ZNF423: variants seen among roughly 807,000 people sequenced by gnomAD.
The protein encoded by ZNF423 is zinc finger protein 423.
In ZNF423, 12 loss-of-function variants were observed where a neutral mutation model predicts 95.8. The observed-to-expected ratio is 0.13, with a 90% CI of 0.08 to 0.20. The LOEUF is 0.20. Ranked by LOEUF, ZNF423 falls within the 10% of genes least tolerant of loss-of-function variation. ZNF423 has a pLI of 1.00. For synonymous variants in ZNF423, 749 were observed against 711.9 expected (o/e 1.05, Z -0.83); for missense variants, 1,316 against 1,737.1 (o/e 0.76, Z 4.31).
chr16:49,502,933 C>T (rs201645063), intron 7 of ZNF423, among the ~76,000 whole-genome samples: 5 of 105,142 alleles, frequency 4.8e-5, no homozygotes, highest in Admixed American at 2.9e-4. Flanking sequence ...CACACACACA[C>T]ACACACACAC....
At chr16:49,755,202 A>G (rs1159855937) in intron 2 of ZNF423, among the ~76,000 whole-genome samples, 2 of 152,166 alleles carry the variant, frequency 1.3e-5, no homozygotes, top group Admixed American at 6.5e-5. Context: ...GGGGTCTCGG[A>G]GCCCCCAGGA....
At position 49,638,299 on chromosome 16, in the gene ZNF423, G is replaced by A. The variant is rs201388998; in HGVS notation, c.877C>T (p.Arg293Cys). The change falls in exon 4 of 8, where the codon CGC becomes TGC. Residue 293 changes from arginine (R) to cysteine (C), a missense_variant. Around this residue, in one of 6 missense-constraint regions of ZNF423, gnomAD observed 399 missense variants for 478.5 expected, o/e 0.83. Transcript: ENST00000563137. The surrounding 1 kb of genome is among the most constrained non-coding windows in gnomAD (Gnocchi z 5.6). ...TEELEKHVLT[R>C]HPQLSEKADL... ...GCCTTCTCGGACAGCTGCGGGTGGC[G>A]GGTGAGCACGTGCTTCTCCAGCTCC... is the stretch of plus-strand genomic sequence containing the variant. The A allele has an allele frequency of 1.6e-5, 26 of 1,613,822 alleles. No individual in the cohort carries two copies. Among genetic ancestry groups the A allele is most frequent in the Middle Eastern group, 1.6e-4 (1 of 6,062 alleles).
intron 5 of ZNF423, among the ~76,000 whole-genome samples, chr16:49,608,796 A>T (rs1330746099): frequency 6.6e-6 from 1 of 152,228 alleles, no homozygotes; most frequent in Non-Finnish European, 1.5e-5. Flanking sequence ...TGCTCCAGGC[A>T]AACCCCACAG....
At chr16:49,817,529 C>G (rs895363448) in intron 1 of ZNF423, among the ~76,000 whole-genome samples, 4 of 152,110 alleles carry the variant, frequency 2.6e-5, no homozygotes, top group Admixed American at 2.0e-4. Flanking sequence ...GCAACAGGAA[C>G]ACAGGTCCCA....
At chr16:49,687,653 C>T (rs1002906793) in intron 3 of ZNF423, among the ~76,000 whole-genome samples, 212 of 152,260 alleles carry the variant, frequency 1.4e-3, no homozygotes, top group African/African-American at 4.9e-3. Context: ...AAATGAGGAA[C>T]CAGGGGGGCC....
intron 2 of ZNF423, among the ~76,000 whole-genome samples, chr16:49,745,334 G>A (rs2033499420): frequency 6.6e-6 from 1 of 152,110 alleles, no homozygotes. Flanking sequence ...CTAACACAAA[G>A]ACAGATCTCT....
At chr16:49,824,397 A>C (rs1435687004) in intron 1 of ZNF423, among the ~76,000 whole-genome samples, 1 of 152,166 alleles carries the variant, frequency 6.6e-6, no homozygotes, top group Non-Finnish European at 1.5e-5. Context: ...TTTTGAACCC[A>C]GGTCAGCCTG....
At chr16:49,606,415 A>G (rs1286911368) in intron 5 of ZNF423, among the ~76,000 whole-genome samples, 2 of 152,154 alleles carry the variant, frequency 1.3e-5, no homozygotes, top group Non-Finnish European at 2.9e-5. Flanking sequence ...GGACAGAAAG[A>G]GTAGAAAATA....
At chr16:49,843,051 T>G (rs772798410) in intron 1 of ZNF423, among the ~76,000 whole-genome samples, 1 of 151,876 alleles carries the variant, frequency 6.6e-6, no homozygotes, top group Non-Finnish European at 1.5e-5. Context: ...GAAATGTGCA[T>G]TCATGCCCTA....
At chr16:49,852,272 G>A (rs1326411478) in intron 1 of ZNF423, among the ~76,000 whole-genome samples, 1 of 152,150 alleles carries the variant, frequency 6.6e-6, no homozygotes, top group Admixed American at 6.5e-5. Flanking sequence ...CATAGCCTGA[G>A]CGCTAATTAA....
At chr16:49,768,609 C>G (rs929895002) in intron 2 of ZNF423, among the ~76,000 whole-genome samples, 1 of 152,168 alleles carries the variant, frequency 6.6e-6, no homozygotes, top group Non-Finnish European at 1.5e-5. Context: ...ACACCTTTCT[C>G]CATCTCCTCA....
At chr16:49,803,437 G>A (rs943196038) in intron 1 of ZNF423, among the ~76,000 whole-genome samples, 9 of 152,084 alleles carry the variant, frequency 5.9e-5, no homozygotes, top group African/African-American at 2.2e-4. Context: ...AAGCCTGTTC[G>A]ATAATATTCC....
chr16:49,659,011 G>A (rs1012762116), intron 3 of ZNF423, among the ~76,000 whole-genome samples: 7 of 152,200 alleles, frequency 4.6e-5, no homozygotes, highest in Non-Finnish European at 7.3e-5. Flanking sequence ...CCTACGTGCC[G>A]GGCTTTCTTA....
intron 5 of ZNF423, among the ~76,000 whole-genome samples, chr16:49,556,768 A>T (rs1451632809): frequency 6.6e-6 from 1 of 152,258 alleles, no homozygotes; most frequent in Admixed American, 6.5e-5. Flanking sequence ...CTCAAAAATT[A>T]TAATTAAAAT....
Position 49,636,185 on chromosome 16 carries a change from G to A in ZNF423, c.2991C>T (p.Thr997=). 6.2e-7 allele frequency: 1 copy of A among 1,613,574 alleles called. No individual in the cohort carries two copies. The highest frequency in any genetic ancestry group is 1.1e-5 in the South Asian group (1 of 91,080). Residue 997 remains threonine, a synonymous_variant, in exon 4 of 8, where the codon ACC becomes ACT. Transcript: ENST00000563137. The surrounding 1 kb of genome is among the most constrained non-coding windows in gnomAD (Gnocchi z 8.6). ...GCAGGGGCATCTTGCAGATGCGACAGGTGCCCGTGTCCAGGCTCTTGCTGT... is the reference window on the plus strand; with the variant it reads ...GCAGGGGCATCTTGCAGATGCGACAAGTGCCCGTGTCCAGGCTCTTGCTGT... ...VTHSKSLDTG[T]CRICKMPLQS... is the part of the protein sequence containing the mutation.
chr16:49,602,577 G>A (rs1971407873), intron 5 of ZNF423, among the ~76,000 whole-genome samples: 1 of 152,144 alleles, frequency 6.6e-6, no homozygotes, highest in Non-Finnish European at 1.5e-5. Flanking sequence ...AAACCCGGCA[G>A]CCCCATCCAA....
chr16:49,521,043 T>G (rs1235357824), intron 7 of ZNF423, among the ~76,000 whole-genome samples: 1 of 152,200 alleles, frequency 6.6e-6, no homozygotes, highest in African/African-American at 2.4e-5. Flanking sequence ...TGAACCGCTC[T>G]CAGGTCAAGT....
intron 2 of ZNF423, among the ~76,000 whole-genome samples, chr16:49,787,036 G>A (rs2034325297): frequency 6.6e-6 from 1 of 152,152 alleles, no homozygotes; most frequent in Non-Finnish European, 1.5e-5. Flanking sequence ...CCACCTCACA[G>A]AGCTGTCACG....
intron 5 of ZNF423, among the ~76,000 whole-genome samples, chr16:49,624,492 G>C (rs1972193398): frequency 6.6e-6 from 1 of 152,216 alleles, no homozygotes; most frequent in South Asian, 2.1e-4. Context: ...GGCGGAGGTT[G>C]CAGTGGGCAG....
Sources: allele counts gnomAD v4.1 joint callset (sites outside exome capture counted in the v4.1 genomes callset), GRCh38; gene constraint gnomAD v4.1.1; regional missense constraint gnomAD v4.1.1; non-coding constraint Gnocchi (gnomAD v3.1); transcripts MANE v1.5; gene names NCBI Gene and HGNC (gene_info 2026-07-23, HGNC 2026-07-21).